Variants in AGPAT3 observed in about 807,000 individuals in gnomAD.
AGPAT3 encodes 1-acyl-sn-glycerol-3-phosphate acyltransferase gamma.
Under a neutral mutation model 47.3 loss-of-function variants are expected in AGPAT3, and 5 were observed. That is an observed-to-expected ratio of 0.11 (90% CI 0.06 to 0.22). The LOEUF (loss-of-function observed/expected upper bound fraction) is 0.22. AGPAT3 is among the 10% of genes least tolerant of loss of function. The pLI, the probability that AGPAT3 is intolerant of heterozygous loss-of-function variation, is 1.00. For missense variants in AGPAT3, 315 were observed against 493.0 expected (o/e 0.64, Z 3.42); for synonymous variants, 212 against 208.3 (o/e 1.02, Z -0.15).
chr21:43,916,895 G>T (rs937921682), intron 2 of AGPAT3, among the ~76,000 whole-genome samples: 20 of 152,304 alleles, frequency 1.3e-4, no homozygotes, highest in African/African-American at 4.8e-4. Flanking sequence ...GTGTTGAGCG[G>T]ATAGCCGGGG....
At chr21:43,956,982 AGG>A (rs2088502361) in intron 2 of AGPAT3, among the ~76,000 whole-genome samples, 1 of 152,132 alleles carries the variant, frequency 6.6e-6, no homozygotes, top group Non-Finnish European at 1.5e-5. Flanking sequence ...CCACCTTTCG[AGG>A]GGAGGAGCGA....
intron 2 of AGPAT3, among the ~76,000 whole-genome samples, chr21:43,957,593 T>A (rs2088540254): frequency 1.4e-5 from 2 of 144,502 alleles, no homozygotes. Flanking sequence ...CACACGGGGT[T>A]TCCCCCTCCA....
chr21:43,974,851 T>C (rs953063789), intron 7 of AGPAT3, among the ~76,000 whole-genome samples: 3 of 152,204 alleles, frequency 2.0e-5, no homozygotes, highest in African/African-American at 7.2e-5. Context: ...CGGTTGTTCC[T>C]CACATGGCGT....
At chr21:43,923,432 G>T (rs2086954963) in intron 2 of AGPAT3, among the ~76,000 whole-genome samples, 1 of 152,220 alleles carries the variant, frequency 6.6e-6, no homozygotes, top group African/African-American at 2.4e-5. Flanking sequence ...GCCGTGAGAT[G>T]CGTGGATGTT....
chr21:43,919,012 C>T (rs909471400), intron 2 of AGPAT3, among the ~76,000 whole-genome samples: 1 of 152,128 alleles, frequency 6.6e-6, no homozygotes, highest in Non-Finnish European at 1.5e-5. Flanking sequence ...ACTTTCCTGC[C>T]TGCTCTGAGA....
At chr21:43,964,110 C>T (rs575140302) in intron 3 of AGPAT3, among the ~76,000 whole-genome samples, 1 of 151,948 alleles carries the variant, frequency 6.6e-6, no homozygotes, top group Non-Finnish European at 1.5e-5. Flanking sequence ...CTCAGCCGGG[C>T]GCAGTGGGTC....
At chr21:43,973,712 G>A (rs531249399) in intron 7 of AGPAT3, among the ~76,000 whole-genome samples, 23 of 152,216 alleles carry the variant, frequency 1.5e-4, no homozygotes, top group Non-Finnish European at 3.1e-4. Context: ...CAGTGTCCCC[G>A]CGCGCCCCTG....
Position 43,982,039 on chromosome 21 carries a change from G to T in AGPAT3, c.1043-265G>T, listed in dbSNP as rs919302372. On this transcript the variant is annotated intron_variant, in intron 9 of 9. Transcript: ENST00000291572. The surrounding 1 kb of genome is among the most constrained non-coding windows in gnomAD (Gnocchi z 6.2). The stretch of plus-strand genomic sequence containing the variant: ...TGCTCCCACCAGCCAAAGACCCAGA[G>T]GGGCAGGCAGGGCAAGGTCCACGTG... 5.3e-5 allele frequency among the ~76,000 whole-genome samples: 8 copies of T among 152,238 alleles called. No homozygotes were observed. Among genetic ancestry groups the T allele is most frequent in the African/African-American group, 1.9e-4 (8 of 41,468 alleles).
At chr21:43,902,608 A>C (rs1046376805) in intron 1 of AGPAT3, among the ~76,000 whole-genome samples, 4 of 152,198 alleles carry the variant, frequency 2.6e-5, no homozygotes, top group Non-Finnish European at 5.9e-5. Flanking sequence ...CTTTTGGCAT[A>C]ATGGCACCAA....
At chr21:43,978,834 T>C (rs1471510853) in intron 8 of AGPAT3, among the ~76,000 whole-genome samples, 1 of 152,238 alleles carries the variant, frequency 6.6e-6, no homozygotes, top group African/African-American at 2.4e-5. Flanking sequence ...TTCTTATTTC[T>C]TTCCCCCACG....
intron 1 of AGPAT3, among the ~76,000 whole-genome samples, chr21:43,866,125 T>G (rs928069257): frequency 1.7e-4 from 25 of 151,150 alleles, no homozygotes; most frequent in Non-Finnish European, 2.7e-4. Context: ...GCAGTGTTTT[T>G]TTTTTTTTTT....
At chr21:43,978,768 T>C (rs2089721264) in intron 8 of AGPAT3, among the ~76,000 whole-genome samples, 3 of 152,230 alleles carry the variant, frequency 2.0e-5, no homozygotes, top group Non-Finnish European at 2.9e-5. Context: ...CTAGACTCCT[T>C]GTATAACAGA....
chr21:43,892,307 CA>C (rs112614012), intron 1 of AGPAT3, among the ~76,000 whole-genome samples: 13,919 of 125,232 alleles, frequency 0.11, 1,146 homozygotes, highest in African/African-American at 0.26. Context: ...AACTCTGTCT[CA>C]AAAAAAAAAA....
intron 2 of AGPAT3, among the ~76,000 whole-genome samples, chr21:43,907,102 G>A (rs1465793559): frequency 6.7e-6 from 1 of 149,724 alleles, no homozygotes; most frequent in Non-Finnish European, 1.5e-5. Context: ...CGCGATCTCA[G>A]GTCACTTCAG....
chr21:43,938,140 A>ACACT (rs1569075790), intron 2 of AGPAT3, among the ~76,000 whole-genome samples: 7 of 150,660 alleles, frequency 4.6e-5, no homozygotes, highest in Admixed American at 2.0e-4. Context: ...ACACACACAC[A>ACACT]CTCACACTCA....
intron 1 of AGPAT3, among the ~76,000 whole-genome samples, chr21:43,903,377 A>G (rs1298103095): frequency 2.0e-5 from 3 of 152,238 alleles, no homozygotes; most frequent in African/African-American, 2.4e-5. Flanking sequence ...CCTGAACCAC[A>G]TACCTAAAAA....
intron 1 of AGPAT3, among the ~76,000 whole-genome samples, chr21:43,896,202 C>T (rs1382796105): frequency 6.6e-6 from 1 of 152,250 alleles, no homozygotes; most frequent in African/African-American, 2.4e-5. Context: ...CCACGCCTGG[C>T]CGTGATAACT....
At chr21:43,958,794 T>A (rs1228948422) in intron 2 of AGPAT3, among the ~76,000 whole-genome samples, 1 of 142,210 alleles carries the variant, frequency 7.0e-6, no homozygotes, top group Non-Finnish European at 1.5e-5. Flanking sequence ...GGCATATGTG[T>A]GGTTTGCAGT....
chr21:43,869,742 C>T (rs748423592), intron 1 of AGPAT3, among the ~76,000 whole-genome samples: 2 of 152,198 alleles, frequency 1.3e-5, no homozygotes, highest in Non-Finnish European at 2.9e-5. Flanking sequence ...GGTCATTACC[C>T]CTGAAGGGGT....
Sources: allele counts gnomAD v4.1 joint callset (sites outside exome capture counted in the v4.1 genomes callset), GRCh38; gene constraint gnomAD v4.1.1; non-coding constraint Gnocchi (gnomAD v3.1); transcripts MANE v1.5; gene names NCBI Gene and HGNC (gene_info 2026-07-23, HGNC 2026-07-21).